The following FAM228B variants were observed in gnomAD, a reference collection of about 807,000 sequenced individuals.
The protein encoded by FAM228B is protein FAM228B.
In FAM228B, 38 loss-of-function variants were observed where a neutral mutation model predicts 42.6. That is an observed-to-expected ratio of 0.89 (90% confidence interval 0.69 to 1.17). FAM228B has a LOEUF of 1.17. Ranked by LOEUF, FAM228B falls within the 50% of genes most tolerant of loss-of-function variation. The pLI is 0.00. For synonymous variants in FAM228B, 109 were observed against 122.3 expected (o/e 0.89, Z 0.72); for missense variants, 344 against 367.3 (o/e 0.94, Z 0.52).
chr2:24,145,754 G>A (rs1486853514), intron 5 of FAM228B, among the ~76,000 whole-genome samples: 1 of 147,442 alleles, frequency 6.8e-6, no homozygotes, highest in South Asian at 2.1e-4. Context: ...CGCCCAAGTG[G>A]AGTGCAGTGT....
chr2:24,161,258 C>A lies in FAM228B; in HGVS notation c.687-248C>A, dbSNP rs12622359. On this transcript the variant is annotated intron_variant, in intron 7 of 10. Transcript: ENST00000615575. ...GCCAGGAGTTTGAGACCAGCCTGGG[C>A]AACATGTTGAGACCCCATCTCTACA... Among the ~76,000 whole-genome samples the A allele has an allele frequency of 1.8e-4, 27 of 152,216 alleles. No individual in the cohort carries two copies. In the East Asian group the frequency reaches 4.3e-3, roughly 24 times the overall value.
At chr2:24,144,741 C>T (rs749737761) in intron 5 of FAM228B, among the ~76,000 whole-genome samples, 2 of 152,180 alleles carry the variant, frequency 1.3e-5, no homozygotes, top group East Asian at 3.9e-4. Flanking sequence ...CCACCTGCAG[C>T]ATCACCTAGG....
At chr2:24,098,822 A>C (rs1665552138) in intron 3 of FAM228B, among the ~76,000 whole-genome samples, 1 of 152,220 alleles carries the variant, frequency 6.6e-6, no homozygotes. Context: ...TGGCAGAGAC[A>C]CAACAAAAAA....
Position 24,146,787 on chromosome 2 carries a change from C to T in FAM228B, c.481C>T (p.Gln161Ter). 6.5e-7 allele frequency: 1 copy of T among 1,550,198 alleles called. No homozygotes were observed. Among genetic ancestry groups the T allele is most frequent in the South Asian group, 1.2e-5 (1 of 83,952 alleles). Reference sequence around the variant, plus strand: ...ATTTCATGACCCTTTGAAAAAAGCACAATATGACAAGGATAACGAAAAAAG... The same window carrying T: ...ATTTCATGACCCTTTGAAAAAAGCATAATATGACAAGGATAACGAAAAAAG... Reference protein sequence around the residue: ...PPFHDPLKKAQYDKDNEKRTL... With the variant: ...PPFHDPLKKA The change falls in exon 6 of 11, where the codon CAA (glutamine) becomes TAA (stop). Residue 161 changes from glutamine (Q) to a stop codon, truncating the protein, a stop_gained. Coordinates refer to ENST00000615575, the MANE Select transcript of FAM228B (RefSeq NM_001145710.2). LOFTEE classifies it high-confidence loss of function.
chr2:24,100,501 C>T (rs1159638950), intron 3 of FAM228B, among the ~76,000 whole-genome samples: 4 of 151,250 alleles, frequency 2.6e-5, no homozygotes, highest in Non-Finnish European at 5.9e-5. Flanking sequence ...AGCCAACAGA[C>T]ACATGAAAAA....
Position 24,168,852 on chromosome 2 carries a change from G to A in FAM228B, c.*15-504G>A, listed in dbSNP as rs572282601. Among the ~76,000 whole-genome samples, 460 of 152,224 alleles carry A rather than the reference G, an allele frequency of 3.0e-3. 5 individuals are homozygous for A. Among genetic ancestry groups the A allele is most frequent in the African/African-American group, 0.01 (435 of 41,528 alleles). ...ATCCATTGTATGAAGAGGGAAGGCT[G>A]AGTACATGGATATAGGTCAAACTAG... is the stretch of plus-strand genomic sequence containing the variant. On this transcript the variant is annotated intron_variant, in intron 10 of 10. Coordinates refer to ENST00000615575, the MANE Select transcript of FAM228B (RefSeq NM_001145710.2).
chr2:24,079,789 T>G (rs1035946739), intron 1 of FAM228B: 2 of 740,660 alleles, frequency 2.7e-6, no homozygotes, highest in Admixed American at 2.8e-5. Context: ...CTGTTGTAAA[T>G]GGAGTTTAGA....
chr2:24,166,496 G>GTGCT (rs35771225), intron 9 of FAM228B: 30,942 of 151,706 alleles, frequency 0.2, 3,642 homozygotes, highest in Non-Finnish European at 0.27. Flanking sequence ...ATCCTCCCAT[G>GTGCT]TGCTTGCTTG....
chr2:24,125,140 G>T (rs1461071089), intron 2 of FAM228B, among the ~76,000 whole-genome samples: 1 of 152,206 alleles, frequency 6.6e-6, no homozygotes, highest in Non-Finnish European at 1.5e-5. Flanking sequence ...ACGTTGGGAG[G>T]CTGAGGTGGG....
chr2:24,121,254 T>C (rs1666108223), upstream of FAM228B: 1 of 1,614,008 alleles, frequency 6.2e-7, no homozygotes, highest in Non-Finnish European at 8.5e-7. Context: ...TTGCAAAGGG[T>C]TCTTGGCAAA....
intron 2 of FAM228B, among the ~76,000 whole-genome samples, chr2:24,128,982 C>T (rs1666381921): frequency 6.6e-6 from 1 of 152,086 alleles, no homozygotes; most frequent in Non-Finnish European, 1.5e-5. Flanking sequence ...ACTGTGTGAC[C>T]TCTAGGGATT....
intron 9 of FAM228B, among the ~76,000 whole-genome samples, chr2:24,167,277 C>A (rs1269029858): frequency 1.3e-5 from 2 of 152,084 alleles, no homozygotes; most frequent in Admixed American, 1.3e-4. Context: ...AGCGAGAAAT[C>A]AGTGCGGAGG....
chr2:24,126,427 T>G (rs1200759876), intron 2 of FAM228B, among the ~76,000 whole-genome samples: 1 of 152,192 alleles, frequency 6.6e-6, no homozygotes, highest in Non-Finnish European at 1.5e-5. Context: ...TAATTTGCAT[T>G]TCCTTAATGA....
At chr2:24,090,323 T>A (rs1665362830) in intron 2 of FAM228B, among the ~76,000 whole-genome samples, 1 of 151,888 alleles carries the variant, frequency 6.6e-6, no homozygotes, top group African/African-American at 2.4e-5. Flanking sequence ...GGCTCAACCC[T>A]GTAATCCCAG....
intron 7 of FAM228B, among the ~76,000 whole-genome samples, chr2:24,155,529 A>AT (rs1339609655): frequency 5.8e-3 from 73 of 12,650 alleles, no homozygotes; most frequent in East Asian, 0.012. Context: ...ATATATATAT[A>AT]TATTTTTTTT....
upstream of FAM228B, chr2:24,119,748 C>A: frequency 8.3e-7 from 1 of 1,207,958 alleles, no homozygotes; most frequent in Non-Finnish European, 1.2e-6. Context: ...GGTCATGCTC[C>A]AGCTACGTTT....
chr2:24,077,097 G>C lies in FAM228B; in HGVS notation c.-290+128G>C, dbSNP rs1664782814. The C allele has an allele frequency of 6.3e-6, 1 of 159,562 alleles. No individual in the cohort carries two copies. The highest frequency in any genetic ancestry group is 1.4e-4 in the South Asian group (1 of 7,112). 9.9% of individuals were successfully genotyped at this position (159,562 alleles called of 1,614,324 possible). A position where few individuals can be genotyped will look rare whatever the true frequency, so the allele number is the denominator to read the frequency against. ...GGGGCGGGGCTCAGATGTGTAGCGG[G>C]AGGTGGTGGGGCCTGAGGAGGGCGG... is the stretch of plus-strand genomic sequence containing the variant. On this transcript the variant is annotated intron_variant, in intron 1 of 10. Transcript: ENST00000613899. The surrounding 1 kb of genome is among the most constrained non-coding windows in gnomAD (Gnocchi z 5.5).
At chr2:24,158,351 C>T (rs1667208816) in intron 7 of FAM228B, among the ~76,000 whole-genome samples, 2 of 152,020 alleles carry the variant, frequency 1.3e-5, no homozygotes, top group African/African-American at 2.4e-5. Context: ...ACTTTTTCAT[C>T]GATCACACAG....
At chr2:24,157,833 C>T (rs1178889739) in intron 7 of FAM228B, among the ~76,000 whole-genome samples, 2 of 151,956 alleles carry the variant, frequency 1.3e-5, no homozygotes, top group African/African-American at 2.4e-5. Context: ...TTTTCAAGAT[C>T]CTCAGATGAT....
Sources: gnomAD v4.1 joint callset for allele counts (sites outside exome capture counted in the v4.1 genomes callset) on GRCh38, gnomAD v4.1.1 for gene constraint, Gnocchi (gnomAD v3.1) non-coding constraint, MANE v1.5 for transcripts, NCBI Gene and HGNC (gene_info 2026-07-23, HGNC 2026-07-21) for gene names.